KANK1: variants seen among roughly 807,000 people sequenced by gnomAD.
The protein encoded by KANK1 is KN motif and ankyrin repeat domain-containing protein 1.
In KANK1, 109 loss-of-function variants were observed where a neutral mutation model predicts 106.2. The observed-to-expected ratio is 1.03, with a 90% CI of 0.88 to 1.20. The LOEUF (loss-of-function observed/expected upper bound fraction) is 1.20, where lower values mean the gene tolerates loss of function less well. KANK1 is among the 50% of genes most tolerant of loss of function. The probability of loss-of-function intolerance (pLI) is 0.00; values close to 1 mark genes in which losing one functional copy is unlikely to be tolerated. For synonymous variants in KANK1, 873 were observed against 652.2 expected (o/e 1.34, Z -5.16); for missense variants, 2,399 against 1,710.7 (o/e 1.40, Z -7.10).
chr9:612,161 G>A (rs1830715731), intron 1 of KANK1, among the ~76,000 whole-genome samples: 1 of 152,190 alleles, frequency 6.6e-6, no homozygotes, highest in Non-Finnish European at 1.5e-5. Context: ...ATTGCACTTT[G>A]TTAATAGGAA....
At chr9:513,004 G>GGTATGGT (rs2059104418) in intron 1 of KANK1, among the ~76,000 whole-genome samples, 1 of 152,276 alleles carries the variant, frequency 6.6e-6, no homozygotes, top group East Asian at 1.9e-4. Context: ...TTTGTTGAAG[G>GGTATGGT]GTATGGTGTT....
At position 493,554 on chromosome 9, in the gene KANK1, CT is replaced by C. The variant is rs34062799; in HGVS notation, c.-362+20299del. On this transcript the variant is annotated intron_variant, in intron 3 of 15. Coordinates refer to the KANK1 transcript ENST00000382303. ...ATGCTGCTAGTTTTGGGGTAATTTG[CT>C]TTTTTTTTTTTTTTTTTGGAGATGG... Among the ~76,000 whole-genome samples the C allele has an allele frequency of 4.4e-3, 510 of 115,944 alleles. 1 individual carries two copies. Among genetic ancestry groups the C allele is most frequent in the East Asian group, 0.024 (92 of 3,780 alleles). The allele number at this position is 115,944 out of a possible 152,430, so 76.1% of individuals were successfully genotyped here. A position where few individuals can be genotyped will look rare whatever the true frequency, so the allele number is the denominator to read the frequency against.
At chr9:706,108 T>G (rs1368858751) in intron 2 of KANK1, among the ~76,000 whole-genome samples, 2 of 152,192 alleles carry the variant, frequency 1.3e-5, no homozygotes, top group African/African-American at 4.8e-5. Flanking sequence ...AGAATAATTT[T>G]TACCATGGAC....
intron 1 of KANK1, among the ~76,000 whole-genome samples, chr9:573,014 G>C (rs1819608017): frequency 6.6e-6 from 1 of 152,106 alleles, no homozygotes; most frequent in African/African-American, 2.4e-5. Flanking sequence ...CTTCTGGCAT[G>C]CTTTGTGAGA....
intron 1 of KANK1, among the ~76,000 whole-genome samples, chr9:624,863 C>T (rs781203963): frequency 2.0e-5 from 3 of 152,158 alleles, no homozygotes; most frequent in Non-Finnish European, 4.4e-5. Flanking sequence ...CCTTACCAAG[C>T]CACCAGTGAG....
At chr9:503,359 C>G (rs1487864882), upstream of KANK1, among the ~76,000 whole-genome samples, 1 of 152,162 alleles carries the variant, frequency 6.6e-6, no homozygotes, top group Non-Finnish European at 1.5e-5. Flanking sequence ...ACCCAGTGAG[C>G]TGGCAAAGGC....
chr9:609,566 G>C (rs991451961), intron 1 of KANK1, among the ~76,000 whole-genome samples: 4 of 152,094 alleles, frequency 2.6e-5, no homozygotes, highest in African/African-American at 9.7e-5. Flanking sequence ...GGAGGTGGAG[G>C]TTGCAATGAG....
chr9:736,760 T>G (rs1269442622), intron 7 of KANK1, among the ~76,000 whole-genome samples: 1 of 152,186 alleles, frequency 6.6e-6, no homozygotes, highest in Non-Finnish European at 1.5e-5. Context: ...TTCTTGGATT[T>G]GTATTCATGA....
At chr9:638,794 CT>C (rs1837720793) in intron 1 of KANK1, among the ~76,000 whole-genome samples, 1 of 152,162 alleles carries the variant, frequency 6.6e-6, no homozygotes, top group Non-Finnish European at 1.5e-5. Context: ...TGGAAATTTT[CT>C]CTTCTATCCC....
rs988888454 is a variant in KANK1 at position 674,991 on chromosome 9, C to T, written c.-83-1899C>T. Among the ~76,000 whole-genome samples the T allele has an allele frequency of 2.0e-5, 3 of 150,990 alleles. No individual in the cohort carries two copies. In the East Asian group the frequency reaches 5.9e-4, roughly 30 times the overall value. On this transcript the variant is annotated intron_variant, in intron 1 of 11. Coordinates refer to ENST00000382297, the MANE Select transcript of KANK1 (RefSeq NM_015158.5). Reference sequence around the variant, plus strand: ...CAGTGCTGGGATTACAGGTGTGAGCCACCGCACCTGGCCTAAATATTTATT... The same window carrying T: ...CAGTGCTGGGATTACAGGTGTGAGCTACCGCACCTGGCCTAAATATTTATT...
At chr9:614,036 G>C (rs7019707) in intron 1 of KANK1, among the ~76,000 whole-genome samples, 21,747 of 152,164 alleles carry the variant, frequency 0.14, 3,213 homozygotes, top group African/African-American at 0.38. Context: ...GGTGGCACTG[G>C]AGGGCCATTT....
At chr9:499,358 A>G (rs931691738) in intron 3 of KANK1, among the ~76,000 whole-genome samples, 1 of 152,178 alleles carries the variant, frequency 6.6e-6, no homozygotes, top group Non-Finnish European at 1.5e-5. Context: ...GGATGAATGG[A>G]TAAACAAAAT....
intron 1 of KANK1, among the ~76,000 whole-genome samples, chr9:596,790 A>T (rs1826329422): frequency 1.3e-5 from 2 of 151,830 alleles, no homozygotes; most frequent in African/African-American, 2.4e-5. Context: ...TTGACAATTC[A>T]GATGTATTTA....
chr9:690,551 T>C (rs1441704039), intron 2 of KANK1, among the ~76,000 whole-genome samples: 3 of 151,834 alleles, frequency 2.0e-5, no homozygotes, highest in Non-Finnish European at 4.4e-5. Flanking sequence ...TCCAGAAGAA[T>C]TGTGCACAGT....
chr9:592,194 C>A (rs906632220), intron 1 of KANK1, among the ~76,000 whole-genome samples: 1 of 151,800 alleles, frequency 6.6e-6, no homozygotes, highest in Admixed American at 6.5e-5. Context: ...CAGCCAAATT[C>A]TCTTACCTGG....
At chr9:540,371 C>A (rs1490530745) in intron 1 of KANK1, 1 of 152,126 alleles carries the variant, frequency 6.6e-6, no homozygotes, top group Non-Finnish European at 1.5e-5. Flanking sequence ...ATCTTTGCAT[C>A]CCAGGGATAA....
At chr9:539,565 A>C (rs1341231213) in intron 1 of KANK1, 1 of 152,024 alleles carries the variant, frequency 6.6e-6, no homozygotes, top group African/African-American at 2.4e-5. Flanking sequence ...ATCACAGCTT[A>C]CTGCAGCATT....
At chr9:518,277 C>T (rs1370504627) in intron 1 of KANK1, among the ~76,000 whole-genome samples, 3 of 151,776 alleles carry the variant, frequency 2.0e-5, no homozygotes, top group Admixed American at 6.5e-5. Flanking sequence ...CCTGTTGAGG[C>T]CCATCTGATT....
At chr9:523,039 C>T (rs1037953398) in intron 1 of KANK1, among the ~76,000 whole-genome samples, 6 of 151,662 alleles carry the variant, frequency 4.0e-5, no homozygotes, top group Non-Finnish European at 7.3e-5. Context: ...CACTCATTCT[C>T]GTGGTGACCT....
Sources: gnomAD v4.1 joint callset for allele counts (sites outside exome capture counted in the v4.1 genomes callset) on GRCh38, gnomAD v4.1.1 for gene constraint, MANE v1.5 for transcripts, NCBI Gene and HGNC (gene_info 2026-07-23, HGNC 2026-07-21) for gene names.